SORBS2: variants seen among roughly 807,000 people sequenced by gnomAD.
SORBS2 encodes sorbin and SH3 domain containing 2.
SORBS2 carries 46 observed loss-of-function variants against 97.7 expected under a neutral mutation model. That is an observed-to-expected ratio of 0.47 (90% confidence interval 0.37 to 0.60). The LOEUF (loss-of-function observed/expected upper bound fraction) is 0.60, where lower values mean the gene tolerates loss of function less well. SORBS2 is among the 20% of genes least tolerant of loss of function. The pLI is 0.00. For missense variants in SORBS2, 1,316 were observed against 1,282.3 expected (o/e 1.03, Z -0.40); for synonymous variants, 476 against 473.4 (o/e 1.01, Z -0.07).
intron 1 of SORBS2, among the ~76,000 whole-genome samples, chr4:185,879,378 C>T (rs2099235703): frequency 6.6e-6 from 1 of 152,036 alleles, no homozygotes; most frequent in African/African-American, 2.4e-5. Flanking sequence ...CATAGTATTC[C>T]ATGGTGTATA....
At chr4:185,910,439 C>T (rs1215198446) in intron 1 of SORBS2, among the ~76,000 whole-genome samples, 2 of 152,198 alleles carry the variant, frequency 1.3e-5, no homozygotes, top group Non-Finnish European at 2.9e-5. Flanking sequence ...ACTCTGGAGA[C>T]TTTCTCCCCA....
At chr4:185,820,086 G>A (rs1181722663) in intron 1 of SORBS2, among the ~76,000 whole-genome samples, 1 of 152,190 alleles carries the variant, frequency 6.6e-6, no homozygotes, top group Non-Finnish European at 1.5e-5. Flanking sequence ...GCGGCACTGG[G>A]TGGGCACGGA....
At chr4:185,907,727 T>C (rs2099251853) in intron 1 of SORBS2, among the ~76,000 whole-genome samples, 1 of 152,208 alleles carries the variant, frequency 6.6e-6, no homozygotes, top group Non-Finnish European at 1.5e-5. Context: ...GATACGGAAC[T>C]CTTAGCTAAG....
chr4:185,871,585 C>T (rs1244772254), intron 1 of SORBS2, among the ~76,000 whole-genome samples: 2 of 152,236 alleles, frequency 1.3e-5, no homozygotes, highest in Non-Finnish European at 2.9e-5. Flanking sequence ...GCAGTGGTTT[C>T]CTGCTGAAAG....
chr4:185,689,799 G>A (rs11726090), intron 2 of SORBS2, among the ~76,000 whole-genome samples: 23,395 of 152,158 alleles, frequency 0.15, 2,023 homozygotes, highest in Middle Eastern at 0.21. Context: ...GCCATGGCGC[G>A]ACGGCTCAAA....
At chr4:185,622,574 G>A (rs1400178485) in intron 7 of SORBS2, among the ~76,000 whole-genome samples, 3 of 152,174 alleles carry the variant, frequency 2.0e-5, no homozygotes, top group Non-Finnish European at 4.4e-5. Context: ...TGGAACTATA[G>A]GTTTTGATTC....
In SORBS2 at chr4:185,607,241, A is replaced by C. The variant is rs912169994; in HGVS notation, c.2796+4539T>G. 1 of 1,221,202 alleles carries C rather than the reference A, an allele frequency of 8.2e-7. No homozygotes were observed. The highest frequency in any genetic ancestry group is 1.0e-6 in the Non-Finnish European group (1 of 959,354). 75.6% of individuals were successfully genotyped at this position (1,221,202 alleles called of 1,614,324 possible). A position where few individuals can be genotyped will look rare whatever the true frequency, so the allele number is the denominator to read the frequency against. On this transcript the variant is annotated intron_variant, in intron 12 of 14. Coordinates refer to ENST00000418609, the Ensembl canonical transcript of SORBS2. This position sits in a 1 kb window ranked among gnomAD's most constrained non-coding sequence, Gnocchi z 5.2. ...GGGGCCAAAGGGTTTGCTGGTAGAC[A>C]TGAGGCTGTCAGGGACAACCAGCCC...
intron 1 of SORBS2, among the ~76,000 whole-genome samples, chr4:185,807,707 AGTT>A (rs2099162872): frequency 6.6e-6 from 1 of 152,220 alleles, no homozygotes; most frequent in Non-Finnish European, 1.5e-5. Context: ...CCATGTCTTG[AGTT>A]TTTCAGAAAT....
intron 2 of SORBS2, among the ~76,000 whole-genome samples, chr4:185,731,718 C>G (rs1205356565): frequency 2.8e-5 from 3 of 105,694 alleles, no homozygotes; most frequent in African/African-American, 1.0e-4. Context: ...CTCTCTCCCT[C>G]CCTCCCTGCC....
intron 4 of SORBS2, among the ~76,000 whole-genome samples, chr4:185,668,779 T>C (rs2097660734): frequency 6.6e-6 from 1 of 152,218 alleles, no homozygotes; most frequent in African/African-American, 2.4e-5. Context: ...GTAATCATCC[T>C]AATTGTTTTA....
chr4:185,678,745 T>C, intron 3 of SORBS2, 51 bp downstream of exon 6: 1 of 1,311,232 alleles, frequency 7.6e-7, no homozygotes. Context: ...TGAATATGTT[T>C]TCTAAAAGTC....
intron 1 of SORBS2, among the ~76,000 whole-genome samples, chr4:185,933,941 C>G (rs923163055): frequency 3.3e-5 from 5 of 152,184 alleles, no homozygotes; most frequent in African/African-American, 1.2e-4. Context: ...TTTAAAGTCT[C>G]TCTATAGATG....
intron 1 of SORBS2, among the ~76,000 whole-genome samples, chr4:185,828,854 G>C (rs1450991524): frequency 1.3e-5 from 2 of 152,180 alleles, no homozygotes; most frequent in African/African-American, 4.8e-5. Flanking sequence ...GCCATCCCCT[G>C]TGGTGGAGGC....
intron 1 of SORBS2, among the ~76,000 whole-genome samples, chr4:185,879,168 C>T (rs4529103): frequency 2.5e-5 from 2 of 80,092 alleles, no homozygotes; most frequent in East Asian, 4.8e-4. Flanking sequence ...CTATCCCTCC[C>T]CCCCCCCCAC....
Position 185,606,007 on chromosome 4 carries a change from CAA to C in SORBS2, c.2796+5771_2796+5772del. The stretch of plus-strand genomic sequence containing the variant: ...TTAAGTAGTCAATGTGAAGTCAACA[CAA>C]AGAGAACGACCTCTTTAGAAAATCG... On this transcript the variant is annotated intron_variant, in intron 12 of 14. Transcript: ENST00000418609. This position sits in a 1 kb window ranked among gnomAD's most constrained non-coding sequence, Gnocchi z 4.3. 1 of 748,900 alleles carries C rather than the reference CAA, an allele frequency of 1.3e-6. No individual in the cohort carries two copies. 46.4% of individuals were successfully genotyped at this position (748,900 alleles called of 1,614,324 possible). A position where few individuals can be genotyped will look rare whatever the true frequency, so the allele number is the denominator to read the frequency against.
intron 1 of SORBS2, chr4:185,656,496 C>A: frequency 6.7e-6 from 3 of 444,996 alleles, no homozygotes; most frequent in Non-Finnish European, 1.2e-5. Context: ...CCCTTATTGT[C>A]TTGGCTGCCC....
At chr4:185,934,497 A>G (rs552065571) in intron 1 of SORBS2, among the ~76,000 whole-genome samples, 1 of 152,154 alleles carries the variant, frequency 6.6e-6, no homozygotes, top group Non-Finnish European at 1.5e-5. Flanking sequence ...ACGGTGGCTC[A>G]CACCTGTAAT....
chr4:185,637,615 TTTC>T (rs956660558), intron 4 of SORBS2, among the ~76,000 whole-genome samples: 1 of 152,096 alleles, frequency 6.6e-6, no homozygotes, highest in Non-Finnish European at 1.5e-5. Flanking sequence ...CAGTCCCCAT[TTTC>T]TTCTTCTTGG....
intron 2 of SORBS2, among the ~76,000 whole-genome samples, chr4:185,730,677 C>T (rs71624716): frequency 0.11 from 17,188 of 152,276 alleles, 1,279 homozygotes; most frequent in East Asian, 0.25. Context: ...AACCGGGTTG[C>T]AGTAGTAAGT....
Sources: gnomAD v4.1 joint callset for allele counts (sites outside exome capture counted in the v4.1 genomes callset) on GRCh38, gnomAD v4.1.1 for gene constraint, Gnocchi (gnomAD v3.1) non-coding constraint, MANE v1.5 for transcripts, NCBI Gene and HGNC (gene_info 2026-07-23, HGNC 2026-07-21) for gene names.